Variants in MCC observed in about 807,000 individuals in gnomAD.
The protein encoded by MCC is MCC regulator of Wnt signaling pathway, also known as colorectal mutant cancer protein.
A neutral mutation model predicts 116.2 loss-of-function variants in MCC; 90 were observed. The observed-to-expected ratio is 0.77, with a 90% CI of 0.65 to 0.92. The LOEUF (loss-of-function observed/expected upper bound fraction) is 0.92, where lower values mean the gene tolerates loss of function less well. Among genes scored for constraint, MCC ranks in the 40% least tolerant of loss-of-function variants. The pLI, the probability that MCC is intolerant of heterozygous loss-of-function variation, is 0.00. For synonymous variants in MCC, 578 were observed against 510.5 expected, an observed-to-expected ratio of 1.13 and a Z score of -1.78; for missense variants, 1,516 against 1,312.2, an observed-to-expected ratio of 1.16 and a Z score of -2.40.
At chr5:113,319,016 C>T (rs757208263) in intron 3 of MCC, among the ~76,000 whole-genome samples, 13 of 152,016 alleles carry the variant, frequency 8.6e-5, no homozygotes, top group South Asian at 2.1e-4. Context: ...ACAAGACACA[C>T]GCCACCACAT....
chr5:113,266,399 C>G (rs1765419312), intron 3 of MCC, among the ~76,000 whole-genome samples: 1 of 152,208 alleles, frequency 6.6e-6, no homozygotes, highest in Non-Finnish European at 1.5e-5. Flanking sequence ...TACACAACCC[C>G]ACAGGGCTTC....
At chr5:113,416,807 T>C (rs917407658) in intron 1 of MCC, among the ~76,000 whole-genome samples, 1 of 152,184 alleles carries the variant, frequency 6.6e-6, no homozygotes, top group Non-Finnish European at 1.5e-5. Flanking sequence ...AAAATTGATA[T>C]CTCATTTTAT....
intron 3 of MCC, among the ~76,000 whole-genome samples, chr5:113,188,056 C>T (rs1349475192): frequency 6.6e-6 from 1 of 152,190 alleles, no homozygotes; most frequent in Non-Finnish European, 1.5e-5. Context: ...GAGCCTCTCT[C>T]ACTCCCGGGG....
intron 17 of MCC, among the ~76,000 whole-genome samples, chr5:113,033,014 G>A (rs1751066072): frequency 6.6e-6 from 1 of 152,212 alleles, no homozygotes; most frequent in Admixed American, 6.5e-5. Context: ...CAGCCCCCAA[G>A]GCTGCTCTAT....
chr5:113,328,407 G>A (rs1329253106), intron 3 of MCC, among the ~76,000 whole-genome samples: 1 of 152,178 alleles, frequency 6.6e-6, no homozygotes, highest in Non-Finnish European at 1.5e-5. Context: ...AGTGGGACAG[G>A]GCTAGGGAAG....
chr5:113,161,011 A>G (rs556380550), intron 3 of MCC, among the ~76,000 whole-genome samples: 27 of 152,340 alleles, frequency 1.8e-4, no homozygotes, highest in Non-Finnish European at 1.5e-5. Context: ...AGAATATTTT[A>G]TATATTTTGT....
rs1431149397 is a variant in MCC at position 113,026,878 on chromosome 5, G to A, written c.*424C>T. 1 of 159,124 alleles carries A rather than the reference G, an allele frequency of 6.3e-6. No individual in the cohort carries two copies. The highest frequency in any genetic ancestry group is 2.4e-5 in the African/African-American group (1 of 41,650). 9.9% of individuals were successfully genotyped at this position (159,124 alleles called of 1,614,324 possible). ...ACAGGTCTGTTTTCCCATGAAGCAGGAGGAAAGAGGAGAAACGAGATTCTA... is the reference window on the plus strand; with the variant it reads ...ACAGGTCTGTTTTCCCATGAAGCAGAAGGAAAGAGGAGAAACGAGATTCTA... On this transcript the variant is annotated 3_prime_UTR_variant, in exon 19 of 19. Coordinates refer to ENST00000408903, the MANE Select transcript of MCC (RefSeq NM_001085377.2).
At chr5:113,168,792 C>T (rs532682889) in intron 3 of MCC, among the ~76,000 whole-genome samples, 3 of 152,052 alleles carry the variant, frequency 2.0e-5, no homozygotes, top group African/African-American at 4.8e-5. Flanking sequence ...CAGCAGAGAA[C>T]GGGGCAGGGG....
chr5:113,364,677 G>T (rs1768641765), intron 2 of MCC, among the ~76,000 whole-genome samples: 1 of 152,230 alleles, frequency 6.6e-6, no homozygotes, highest in South Asian at 2.1e-4. Flanking sequence ...CTCAGCAGCA[G>T]TCTTCTGCCT....
chr5:113,258,220 A>G (rs966326446), intron 3 of MCC, among the ~76,000 whole-genome samples: 6 of 152,244 alleles, frequency 3.9e-5, no homozygotes, highest in African/African-American at 9.6e-5. Context: ...ATTGTATATA[A>G]TAACATTAAT....
intron 2 of MCC, among the ~76,000 whole-genome samples, chr5:113,362,471 G>C (rs1768573772): frequency 6.6e-6 from 1 of 152,204 alleles, no homozygotes; most frequent in South Asian, 2.1e-4. Context: ...ATTATCTCAA[G>C]CTAATTAATT....
intron 8 of MCC, among the ~76,000 whole-genome samples, chr5:113,092,547 A>G (rs181982323): frequency 1.8e-4 from 27 of 152,322 alleles, no homozygotes; most frequent in Admixed American, 6.5e-4. Flanking sequence ...TTACACAGCT[A>G]TTATCAAGAG....
chr5:113,465,831 G>A (rs965895485), intron 1 of MCC, among the ~76,000 whole-genome samples: 7 of 152,148 alleles, frequency 4.6e-5, no homozygotes, highest in Non-Finnish European at 8.8e-5. Context: ...AGATGATGGA[G>A]ATTTAGAAAG....
intron 14 of MCC, among the ~76,000 whole-genome samples, chr5:113,062,639 T>TGCTTTCTG (rs1753301943): frequency 2.6e-5 from 4 of 152,268 alleles, no homozygotes; most frequent in Admixed American, 2.0e-4. Flanking sequence ...GAAGAGCATC[T>TGCTTTCTG]GCTTTCTGTG....
chr5:113,106,583 T>C (rs968535910), intron 6 of MCC, among the ~76,000 whole-genome samples: 2 of 152,180 alleles, frequency 1.3e-5, no homozygotes, highest in Non-Finnish European at 2.9e-5. Context: ...CTCTGTTGCA[T>C]AGGCTGGAGT....
At chr5:113,148,915 T>C (rs1759680631) in intron 4 of MCC, among the ~76,000 whole-genome samples, 1 of 152,180 alleles carries the variant, frequency 6.6e-6, no homozygotes, top group African/African-American at 2.4e-5. Context: ...TACATGAGGA[T>C]GGCTTGACCA....
At chr5:113,342,766 C>G (rs944016640) in intron 2 of MCC, among the ~76,000 whole-genome samples, 1 of 152,210 alleles carries the variant, frequency 6.6e-6, no homozygotes, top group South Asian at 2.1e-4. Flanking sequence ...CCTCTAGCTG[C>G]AAGGAAAGCT....
chr5:113,144,577 A>C (rs1759379968), intron 4 of MCC, among the ~76,000 whole-genome samples: 2 of 152,176 alleles, frequency 1.3e-5, no homozygotes, highest in Admixed American at 1.3e-4. Flanking sequence ...GCAGGGACAA[A>C]AGGCTTTCAA....
At chr5:113,259,691 T>C (rs1251571409) in intron 3 of MCC, among the ~76,000 whole-genome samples, 1 of 152,040 alleles carries the variant, frequency 6.6e-6, no homozygotes, top group Non-Finnish European at 1.5e-5. Context: ...TCCTAGAACA[T>C]GTTAACCCAT....
Sources: allele counts gnomAD v4.1 joint callset (sites outside exome capture counted in the v4.1 genomes callset), GRCh38; gene constraint gnomAD v4.1.1; transcripts MANE v1.5; gene names NCBI Gene and HGNC (gene_info 2026-07-23, HGNC 2026-07-21).